Variants in FILIP1L observed in about 807,000 individuals in gnomAD.
FILIP1L encodes the protein filamin A interacting protein 1 like.
A neutral mutation model predicts 96.6 loss-of-function variants in FILIP1L; 55 were observed. The ratio of observed to expected loss-of-function variants is 0.57; its 90% confidence interval spans 0.46 to 0.71. The LOEUF (loss-of-function observed/expected upper bound fraction) is 0.71, where lower values mean the gene tolerates loss of function less well. Ranked by LOEUF, FILIP1L falls within the 30% of genes least tolerant of loss-of-function variation. FILIP1L has a pLI of 0.00. For synonymous variants in FILIP1L, 467 were observed against 473.9 expected (o/e 0.99, Z 0.19); for missense variants, 1,304 against 1,321.2 (o/e 0.99, Z 0.20).
intron 1 of FILIP1L, among the ~76,000 whole-genome samples, chr3:100,052,375 A>G (rs1009337098): frequency 1.3e-4 from 20 of 152,334 alleles, no homozygotes; most frequent in Admixed American, 6.5e-4. Context: ...TCCAGGGGGA[A>G]CTTTTGTTCC....
intron 1 of FILIP1L, among the ~76,000 whole-genome samples, chr3:100,105,549 T>G (rs1482107426): frequency 6.6e-6 from 1 of 152,170 alleles, no homozygotes; most frequent in Non-Finnish European, 1.5e-5. Flanking sequence ...GGCTATAAGA[T>G]TAACCGAAAA....
At chr3:100,014,874 C>CTTTTTTTTTT (rs200759774) in intron 1 of FILIP1L, among the ~76,000 whole-genome samples, 15 of 28,204 alleles carry the variant, frequency 5.3e-4, no homozygotes, top group South Asian at 1.2e-3. Flanking sequence ...TTTTTCTTTT[C>CTTTTTTTTTT]TTTTTTTTTT....
At chr3:100,048,296 T>C (rs533815878) in intron 1 of FILIP1L, among the ~76,000 whole-genome samples, 53 of 152,372 alleles carry the variant, frequency 3.5e-4, no homozygotes, top group African/African-American at 1.3e-3. Context: ...AATTTGGTTA[T>C]GCTTTAGTCC....
intron 4 of FILIP1L, among the ~76,000 whole-genome samples, chr3:99,883,458 T>C (rs922524585): frequency 6.6e-6 from 1 of 152,228 alleles, no homozygotes; most frequent in Non-Finnish European, 1.5e-5. Flanking sequence ...GATTATTTCA[T>C]CATGATTATT....
chr3:100,010,460 A>T (rs560982484), intron 1 of FILIP1L, among the ~76,000 whole-genome samples: 2 of 152,074 alleles, frequency 1.3e-5, no homozygotes, highest in African/African-American at 2.4e-5. Context: ...AAGTTATTAT[A>T]TTTAATGGTA....
At chr3:100,028,137 C>A (rs2064960948) in intron 1 of FILIP1L, among the ~76,000 whole-genome samples, 1 of 152,168 alleles carries the variant, frequency 6.6e-6, no homozygotes, top group Admixed American at 6.5e-5. Flanking sequence ...TGCCAGGCAG[C>A]ATGCTAATTG....
intron 1 of FILIP1L, among the ~76,000 whole-genome samples, chr3:99,951,357 T>C (rs1266841202): frequency 6.6e-6 from 1 of 152,146 alleles, no homozygotes; most frequent in African/African-American, 2.4e-5. Flanking sequence ...ACTGAACCCT[T>C]AGTCCTGTGG....
At position 99,848,996 on chromosome 3, in the gene FILIP1L, G is replaced by A. The variant is rs772525600; in HGVS notation, c.2680C>T (p.Leu894=). 1.7e-5 allele frequency: 27 copies of A among 1,613,988 alleles called. No homozygotes were observed. Among genetic ancestry groups the A allele is most frequent in the Non-Finnish European group, 2.3e-5 (27 of 1,180,008 alleles). Residue 894 remains leucine (L), a synonymous_variant, in exon 5 of 6, where the codon CTA becomes TTA. Coordinates refer to ENST00000477258, the MANE Select transcript of FILIP1L (RefSeq NM_001387850.1). ...AGTGGCTGCCCAGGTGTGTGGCTTA[G>A]GACTAGATCTCCAGGTTGCACAAAG... is the stretch of plus-strand genomic sequence containing the variant. The part of the protein sequence containing the change: ...ANFVQPGDLV[L]SHTPGQPLHI...
At chr3:100,090,360 G>A (rs976385366) in intron 1 of FILIP1L, among the ~76,000 whole-genome samples, 3 of 152,228 alleles carry the variant, frequency 2.0e-5, no homozygotes, top group Admixed American at 2.0e-4. Flanking sequence ...AGCTGGGAAT[G>A]CAAGCATGGG....
intron 1 of FILIP1L, among the ~76,000 whole-genome samples, chr3:99,993,588 A>G (rs1476624269): frequency 2.0e-5 from 3 of 152,156 alleles, no homozygotes; most frequent in Non-Finnish European, 4.4e-5. Flanking sequence ...ACTTTTCCCC[A>G]TTAAGTATGA....
rs1943142745 is a variant in FILIP1L, at chr3:99,841,777, A to G, written c.3381+6518T>C. Among the ~76,000 whole-genome samples, 3 of 152,212 alleles carry G rather than the reference A, an allele frequency of 2.0e-5. No homozygotes were observed. In the South Asian group the frequency reaches 6.2e-4, roughly 32 times the overall value. On this transcript the variant is annotated intron_variant, in intron 5 of 5. Coordinates refer to ENST00000477258, the MANE Select transcript of FILIP1L (RefSeq NM_001387850.1). ...TCAGGGAAATGCAAATCAAAACCAC[A>G]GTGCAATACCACCTTACTCCTGCAA...
At chr3:99,904,536 ATTCTTGTTATT>A (rs1189426667) in intron 4 of FILIP1L, among the ~76,000 whole-genome samples, 1 of 152,194 alleles carries the variant, frequency 6.6e-6, no homozygotes, top group African/African-American at 2.4e-5. Context: ...CCAAACATTA[ATTCTTGTTATT>A]TTGACATCTT....
At chr3:100,054,164 A>G (rs1037135935) in intron 1 of FILIP1L, among the ~76,000 whole-genome samples, 1 of 152,206 alleles carries the variant, frequency 6.6e-6, no homozygotes, top group African/African-American at 2.4e-5. Flanking sequence ...TTCCTTAACC[A>G]AAGTTGCCAT....
chr3:99,863,018 G>A (rs1412053747), intron 4 of FILIP1L, among the ~76,000 whole-genome samples: 1 of 152,118 alleles, frequency 6.6e-6, no homozygotes, highest in East Asian at 1.9e-4. Context: ...TTGTCTGCTG[G>A]GTTTAGATAC....
chr3:100,060,177 G>A (rs2065537268), intron 1 of FILIP1L, among the ~76,000 whole-genome samples: 1 of 152,092 alleles, frequency 6.6e-6, no homozygotes, highest in Admixed American at 6.5e-5. Context: ...TGAAGAGGTT[G>A]AGATTTACTT....
intron 5 of FILIP1L, among the ~76,000 whole-genome samples, chr3:99,838,964 CT>C (rs999261853): frequency 6.6e-5 from 10 of 152,108 alleles, no homozygotes; most frequent in Non-Finnish European, 4.4e-5. Flanking sequence ...AAGCCTTACC[CT>C]GCCCCAACCA....
chr3:99,967,879 G>A lies in FILIP1L; in HGVS notation c.-10-36849C>T, dbSNP rs543684935. ...ACAACATGCTCAGGAAAGTTAACCT[G>A]GTATTAGCAAGGAGAAGGAGTAGGA... On this transcript the variant is annotated intron_variant, in intron 1 of 5. Transcript: ENST00000477258. Among the ~76,000 whole-genome samples, 5 of 152,282 alleles carry A rather than the reference G, an allele frequency of 3.3e-5. No individual in the cohort carries two copies. The Middle Eastern group carries it at 0.017, about 518-fold the overall frequency.
intron 1 of FILIP1L, among the ~76,000 whole-genome samples, chr3:100,036,268 A>G (rs993559477): frequency 1.2e-4 from 18 of 152,204 alleles, no homozygotes; most frequent in African/African-American, 3.6e-4. Flanking sequence ...ACTAAGAGGA[A>G]CAAAGCCTTC....
chr3:99,873,697 T>G (rs887523034), intron 4 of FILIP1L, among the ~76,000 whole-genome samples: 2 of 152,144 alleles, frequency 1.3e-5, no homozygotes, highest in South Asian at 4.1e-4. Context: ...AGAGAACCCT[T>G]AAACAAAATT....
Sources: gnomAD v4.1 joint callset for allele counts (sites outside exome capture counted in the v4.1 genomes callset) on GRCh38, gnomAD v4.1.1 for gene constraint, MANE v1.5 for transcripts, NCBI Gene and HGNC (gene_info 2026-07-23, HGNC 2026-07-21) for gene names.